Variants in ARHGAP8 observed in about 807,000 individuals in gnomAD.
ARHGAP8 encodes Rho GTPase activating protein 8.
Under a neutral mutation model 46.1 loss-of-function variants are expected in ARHGAP8, and 62 were observed. That is an observed-to-expected ratio of 1.34 (90% CI 1.10 to 1.66). ARHGAP8 has a LOEUF of 1.66. Ranked by LOEUF, ARHGAP8 falls within the 40% of genes most tolerant of loss-of-function variation. The pLI is 0.00. For missense variants in ARHGAP8, 923 were observed against 568.4 expected, an observed-to-expected ratio of 1.62 and a Z score of -6.34; for synonymous variants, 375 against 243.1, an observed-to-expected ratio of 1.54 and a Z score of -5.05.
At chr22:44,754,373 T>TGTGTGTGTGTGTGTGTGTGA (rs1555907814) in intron 1 of ARHGAP8, among the ~76,000 whole-genome samples, 64 of 147,594 alleles carry the variant, frequency 4.3e-4, no homozygotes, top group African/African-American at 1.3e-3. Context: ...TGTGTGTGTG[T>TGTGTGTGTGTGTGTGTGTGA]GACGCAGTTT....
intron 7 of ARHGAP8, among the ~76,000 whole-genome samples, chr22:44,831,711 A>G (rs1033613254): frequency 1.3e-5 from 2 of 152,160 alleles, no homozygotes; most frequent in Non-Finnish European, 2.9e-5. Flanking sequence ...AAAAAAGAAA[A>G]GAAAATACTT....
intron 1 of ARHGAP8, among the ~76,000 whole-genome samples, chr22:44,779,098 T>A (rs1195007416): frequency 1.1e-5 from 1 of 88,080 alleles, no homozygotes; most frequent in Admixed American, 1.2e-4. Context: ...GGTCTCTGAC[T>A]TTTTTTTTTT....
chr22:44,858,560 G>C (rs1348323115), intron 10 of ARHGAP8, among the ~76,000 whole-genome samples: 1 of 34,222 alleles, frequency 2.9e-5, no homozygotes, highest in Non-Finnish European at 6.2e-5. Context: ...TTAAGTAACA[G>C]GGTTTCACCA....
intron 7 of ARHGAP8, among the ~76,000 whole-genome samples, 196 bp downstream of exon 7, chr22:44,825,789 GCTGCTC>G (rs1930472887): frequency 1.4e-5 from 2 of 142,408 alleles, no homozygotes; most frequent in African/African-American, 5.3e-5. Context: ...GCGCGTGCTC[GCTGCTC>G]GGTGCCTGGT....
intron 1 of ARHGAP8, among the ~76,000 whole-genome samples, chr22:44,758,152 T>C (rs1040573539): frequency 6.6e-6 from 1 of 152,160 alleles, no homozygotes; most frequent in Non-Finnish European, 1.5e-5. Context: ...CAGATCTTTC[T>C]GTGAAGAGGC....
intron 5 of ARHGAP8, among the ~76,000 whole-genome samples, chr22:44,821,249 T>C (rs535970600): frequency 1.3e-5 from 2 of 151,864 alleles, no homozygotes; most frequent in East Asian, 1.9e-4. Flanking sequence ...GGCTAACATG[T>C]TGAAACCCCG....
chr22:44,796,950 C>A (rs1316148909), intron 2 of ARHGAP8, among the ~76,000 whole-genome samples: 2 of 152,294 alleles, frequency 1.3e-5, no homozygotes, highest in Non-Finnish European at 2.9e-5. Flanking sequence ...CAGATACAAG[C>A]CGTTGCAGAC....
chr22:44,816,288 G>A (rs543869189), intron 5 of ARHGAP8, among the ~76,000 whole-genome samples: 4 of 152,204 alleles, frequency 2.6e-5, no homozygotes, highest in East Asian at 1.9e-4. Context: ...CTGGGACCTC[G>A]GAATCCACAC....
At chr22:44,833,946 G>T (rs1269377753) in intron 7 of ARHGAP8, among the ~76,000 whole-genome samples, 1 of 152,072 alleles carries the variant, frequency 6.6e-6, no homozygotes, top group Non-Finnish European at 1.5e-5. Context: ...GCATGTAATT[G>T]TTCATAGTAC....
Position 44,806,973 on chromosome 22 carries a change from A to AAG in ARHGAP8, c.168-1334_168-1333insAG, listed in dbSNP as rs1491474258. On this transcript the variant is annotated intron_variant, in intron 3 of 11. Coordinates refer to ENST00000356099, the MANE Select transcript of ARHGAP8 (RefSeq NM_181335.3). Reference sequence around the variant, plus strand: ...ACTCTGTCTCAAAAAAAAAAAAAAAAGAAATCAAACGCACACAGGAGAAGC... The same window carrying AAG: ...ACTCTGTCTCAAAAAAAAAAAAAAAAAGGAAATCAAACGCACACAGGAGAAGC... Among the ~76,000 whole-genome samples the AAG allele has an allele frequency of 4.8e-3, 725 of 150,816 alleles. 9 individuals are homozygous for AAG. Among genetic ancestry groups the AAG allele is most frequent in the African/African-American group, 0.017 (696 of 41,004 alleles).
At chr22:44,817,147 A>G (rs574858999) in intron 5 of ARHGAP8, among the ~76,000 whole-genome samples, 15 of 152,178 alleles carry the variant, frequency 9.9e-5, no homozygotes, top group Non-Finnish European at 1.9e-4. Flanking sequence ...TCGGCCTCCC[A>G]AAGTCCTGGG....
intron 7 of ARHGAP8, among the ~76,000 whole-genome samples, chr22:44,839,281 C>G (rs1931493423): frequency 6.6e-6 from 1 of 152,208 alleles, no homozygotes; most frequent in Admixed American, 6.5e-5. Context: ...CGCCAGCCCT[C>G]AGGGCACCTC....
chr22:44,776,928 C>T (rs563890806), intron 1 of ARHGAP8, among the ~76,000 whole-genome samples: 6 of 152,176 alleles, frequency 3.9e-5, no homozygotes, highest in Admixed American at 6.5e-5. Context: ...CCATCACCCT[C>T]GCTGTCTATG....
At position 44,860,471 on chromosome 22, in the gene ARHGAP8, T is replaced by G. The variant is rs575680308; in HGVS notation, c.981+637T>G. On this transcript the variant is annotated intron_variant, in intron 11 of 11. Transcript: ENST00000356099. The stretch of plus-strand genomic sequence containing the variant: ...CTAATCTCCCTCCACCTTTCCCTCC[T>G]AAGTGTGGACCCCCTGCCATATGTC... Among the ~76,000 whole-genome samples, 4 of 152,040 alleles carry G rather than the reference T, an allele frequency of 2.6e-5. No homozygotes were observed. The East Asian group carries it at 7.8e-4, about 30-fold the overall frequency.
At chr22:44,836,758 G>T (rs1487868790) in intron 7 of ARHGAP8, among the ~76,000 whole-genome samples, 1 of 151,954 alleles carries the variant, frequency 6.6e-6, no homozygotes, top group Non-Finnish European at 1.5e-5. Flanking sequence ...CATCTCAGAG[G>T]GTTGGGAAAA....
chr22:44,839,437 A>G (rs1005052000), intron 7 of ARHGAP8, among the ~76,000 whole-genome samples: 2 of 152,236 alleles, frequency 1.3e-5, no homozygotes, highest in Non-Finnish European at 2.9e-5. Flanking sequence ...TAAGTGGATT[A>G]GCAGATTCCT....
chr22:44,827,335 G>GT (rs1569165898), intron 7 of ARHGAP8, among the ~76,000 whole-genome samples: 1 of 41,716 alleles, frequency 2.4e-5, no homozygotes. Flanking sequence ...TTTGGGTGGT[G>GT]GTTTTTTTTT....
At chr22:44,763,826 A>T (rs1012500820) in intron 1 of ARHGAP8, among the ~76,000 whole-genome samples, 92 of 121,544 alleles carry the variant, frequency 7.6e-4, no homozygotes, top group Non-Finnish European at 1.3e-3. Flanking sequence ...TTTGAGACGG[A>T]GTCTCAAAAA....
chr22:44,754,373 T>TGTGTGTGTGAGA lies in ARHGAP8; in HGVS notation c.-72+1747_-72+1748insTGTGTGTGAGAG, dbSNP rs1555907814. On this transcript the variant is annotated intron_variant, in intron 1 of 11. Transcript: ENST00000356099. Reference sequence around the variant, plus strand: ...GTGTGTGTGTGTGTGTGTGTGTGTGTGACGCAGTTTTCGCTCTTGTCGCCC... The same window carrying TGTGTGTGTGAGA: ...GTGTGTGTGTGTGTGTGTGTGTGTGTGTGTGTGTGAGAGACGCAGTTTTCGCTCTTGTCGCCC... Among the ~76,000 whole-genome samples, 15 of 147,602 alleles carry TGTGTGTGTGAGA rather than the reference T, an allele frequency of 1.0e-4. No individual in the cohort carries two copies. In the South Asian group the frequency reaches 2.5e-3, roughly 25 times the overall value.
Sources: gnomAD v4.1 joint callset for allele counts (sites outside exome capture counted in the v4.1 genomes callset) on GRCh38, gnomAD v4.1.1 for gene constraint, MANE v1.5 for transcripts, NCBI Gene and HGNC (gene_info 2026-07-23, HGNC 2026-07-21) for gene names.